Variants in DCK observed in about 807,000 individuals in gnomAD.
DCK encodes deoxycytidine kinase.
DCK carries 23 observed loss-of-function variants against 38.3 expected under a neutral mutation model. The observed-to-expected ratio is 0.60, with a 90% CI of 0.43 to 0.85. DCK has a LOEUF of 0.85. Ranked by LOEUF, DCK falls within the 40% of genes least tolerant of loss-of-function variation. The pLI, the probability that DCK is intolerant of heterozygous loss-of-function variation, is 0.00. For missense variants in DCK, 259 were observed against 304.4 expected (o/e 0.85, Z 1.11); for synonymous variants, 108 against 100.6 (o/e 1.07, Z -0.44).
intron 2 of DCK, among the ~76,000 whole-genome samples, chr4:71,005,175 G>C (rs1240288317): frequency 1.3e-5 from 2 of 152,084 alleles, no homozygotes; most frequent in Non-Finnish European, 2.9e-5. Flanking sequence ...TAGTATCTGG[G>C]CTGGATAGCA....
chr4:71,001,347 G>A (rs1447402854), intron 2 of DCK, among the ~76,000 whole-genome samples: 1 of 152,082 alleles, frequency 6.6e-6, no homozygotes, highest in Non-Finnish European at 1.5e-5. Flanking sequence ...CGACTTGATC[G>A]TGGTAGATGA....
chr4:71,026,670 A>G lies in DCK; in HGVS notation c.671A>G (p.Asn224Ser). 6.7e-7 allele frequency: 1 copy of G among 1,503,060 alleles called. No individual in the cohort carries two copies. Among genetic ancestry groups the G allele is most frequent in the Non-Finnish European group, 9.2e-7 (1 of 1,089,452 alleles). The allele number at this position is 1,503,060 out of a possible 1,614,324, so 93.1% of individuals were successfully genotyped here. A position where few individuals can be genotyped will look rare whatever the true frequency, so the allele number is the denominator to read the frequency against. Residue 224 changes from asparagine (N) to serine (S), a missense_variant, in exon 6 of 7, where the codon AAC (asparagine) becomes AGC (serine). By Grantham distance (46) the Asn-to-Ser change is conservative (BLOSUM62 1). This residue lies in a region of DCK where 82 missense variants were observed against 103.8 expected (regional missense o/e 0.79). Coordinates refer to ENST00000286648, the MANE Select transcript of DCK (RefSeq NM_000788.3). ...TAATCTCTCTTTTTAAACAGAACCA[A>G]CTTCGATTATCTTCAAGAGGTGCCT... ...SWLLHRTLKT[N>S]FDYLQEVPIL...
At chr4:71,004,316 C>T (rs1739883660) in intron 2 of DCK, among the ~76,000 whole-genome samples, 1 of 152,200 alleles carries the variant, frequency 6.6e-6, no homozygotes, top group Admixed American at 6.5e-5. Flanking sequence ...TTGCTGCCTG[C>T]TCCTTCCTCA....
intron 2 of DCK, among the ~76,000 whole-genome samples, chr4:71,012,126 T>A (rs1367284396): frequency 1.3e-5 from 2 of 152,234 alleles, no homozygotes; most frequent in African/African-American, 4.8e-5. Context: ...AAGAACAGTA[T>A]ACAGTTTTGT....
At chr4:71,014,415 G>A (rs540128249) in intron 2 of DCK, among the ~76,000 whole-genome samples, 29 of 152,200 alleles carry the variant, frequency 1.9e-4, no homozygotes, top group Non-Finnish European at 2.6e-4. Context: ...TGTACCAAGC[G>A]GACCTAAAAG....
intron 2 of DCK, among the ~76,000 whole-genome samples, chr4:71,017,256 T>C (rs984106811): frequency 2.0e-5 from 3 of 152,092 alleles, no homozygotes; most frequent in African/African-American, 4.8e-5. Context: ...GTTAGAATGG[T>C]GATCATTAAA....
rs562289134 is a variant in DCK at position 71,000,613 on chromosome 4, G to A, written c.207+2431G>A. ...TTGAATCTGTAAATTACTTTGGGCAGTATGGCCATTTTCACAATATTGATT... is the reference window on the plus strand; with the variant it reads ...TTGAATCTGTAAATTACTTTGGGCAATATGGCCATTTTCACAATATTGATT... On this transcript the variant is annotated intron_variant, in intron 2 of 6. Coordinates refer to ENST00000286648, the MANE Select transcript of DCK (RefSeq NM_000788.3). Among the ~76,000 whole-genome samples, 128 of 152,304 alleles carry A rather than the reference G, an allele frequency of 8.4e-4. 1 individual carries two copies. Among genetic ancestry groups the A allele is most frequent in the African/African-American group, 1.7e-3 (71 of 41,566 alleles).
chr4:71,017,903 AT>A (rs1221821830), intron 2 of DCK, among the ~76,000 whole-genome samples: 2 of 152,110 alleles, frequency 1.3e-5, no homozygotes, highest in East Asian at 1.9e-4. Context: ...CGTTGTGCAC[AT>A]GTACCCAAGA....
rs1740499373 is a variant in DCK, at chr4:71,024,368, A to G, written c.549+662A>G. 1.3e-5 allele frequency among the ~76,000 whole-genome samples: 2 copies of G among 152,160 alleles called. 1 individual carries two copies. Among genetic ancestry groups the G allele is most frequent in the South Asian group, 4.1e-4 (2 of 4,834 alleles). On this transcript the variant is annotated intron_variant, in intron 4 of 6. Transcript: ENST00000286648. ...TATGATGTTATATAATGAATACAGG[A>G]TGACCAAATAGATGCCTTTCATAAA...
At chr4:71,014,950 A>G (rs1740216929) in intron 2 of DCK, among the ~76,000 whole-genome samples, 1 of 152,330 alleles carries the variant, frequency 6.6e-6, no homozygotes, top group African/African-American at 2.4e-5. Flanking sequence ...TAGAGACACA[A>G]AAAACCCTTC....
Position 71,022,478 on chromosome 4 carries a change from G to A in DCK, c.319G>A (p.Ala107Thr). 5 of 1,609,736 alleles carry A rather than the reference G, an allele frequency of 3.1e-6. No homozygotes were observed. Among genetic ancestry groups the A allele is most frequent in the Non-Finnish European group, 3.4e-6 (4 of 1,178,448 alleles). ...QTYACLSRIR[A>T]QLASLNGKLK... ...ATATGCCTGTCTCAGTCGAATAAGA[G>A]CTCAGCTTGCCTCTCTGAATGGCAA... Residue 107 changes from alanine to threonine, a missense_variant, in exon 3 of 7, where the codon GCT becomes ACT. Physicochemically the swap from Ala to Thr is moderately conservative, Grantham distance 58. Around this residue, in one of 3 missense-constraint regions of DCK, gnomAD observed 159 missense variants for 159.0 expected, o/e 1.00. Coordinates refer to ENST00000286648, the MANE Select transcript of DCK (RefSeq NM_000788.3).
intron 2 of DCK, among the ~76,000 whole-genome samples, chr4:71,002,846 G>A (rs1179815377): frequency 2.0e-5 from 3 of 151,732 alleles, no homozygotes; most frequent in African/African-American, 4.9e-5. Context: ...TTGAGCCTTT[G>A]TGTGTCTTTG....
At chr4:71,019,008 A>G (rs1740342786) in intron 2 of DCK, among the ~76,000 whole-genome samples, 1 of 152,188 alleles carries the variant, frequency 6.6e-6, no homozygotes, top group Non-Finnish European at 1.5e-5. Flanking sequence ...TTATAATTGC[A>G]TACAAAAAAC....
At chr4:71,028,444 A>G (rs1261200789) in intron 6 of DCK, among the ~76,000 whole-genome samples, 1 of 152,002 alleles carries the variant, frequency 6.6e-6, no homozygotes, top group Non-Finnish European at 1.5e-5. Flanking sequence ...ACAAACAAAA[A>G]CTAGCCAGAC....
At chr4:71,009,205 A>G (rs1297818735) in intron 2 of DCK, among the ~76,000 whole-genome samples, 1 of 152,224 alleles carries the variant, frequency 6.6e-6, no homozygotes, top group African/African-American at 2.4e-5. Flanking sequence ...TTTTTAAAAT[A>G]ACAATCCCTT....
At chr4:71,007,968 CT>C (rs1477227635) in intron 2 of DCK, among the ~76,000 whole-genome samples, 2 of 152,218 alleles carry the variant, frequency 1.3e-5, no homozygotes, top group African/African-American at 4.8e-5. Context: ...CTCAAGCGAT[CT>C]GCCCATCTCA....
intron 6 of DCK, chr4:71,028,549 TA>T (rs1303357837): frequency 2.6e-6 from 1 of 387,764 alleles, no homozygotes; most frequent in East Asian, 8.2e-5. Context: ...AAATAACTCC[TA>T]AAATGACCTT....
Position 71,003,457 on chromosome 4 carries a change from C to G in DCK, c.207+5275C>G, listed in dbSNP as rs139393135. Among the ~76,000 whole-genome samples, 743 of 152,238 alleles carry G rather than the reference C, an allele frequency of 4.9e-3. 11 individuals carry two copies. Among genetic ancestry groups the G allele is most frequent in the African/African-American group, 0.017 (717 of 41,526 alleles). ...GTCTTGGCGTTGCTCTTCTCAAGGG[C>G]ATCTTTGTGATGTTTTCTGTATTTC... On this transcript the variant is annotated intron_variant, in intron 2 of 6. Transcript: ENST00000286648.
intron 5 of DCK, among the ~76,000 whole-genome samples, chr4:71,026,138 T>G (rs1278585136): frequency 2.0e-5 from 3 of 152,080 alleles, no homozygotes; most frequent in Non-Finnish European, 4.4e-5. Flanking sequence ...CTAGTATCCC[T>G]TGGTGGTATT....
Sources: allele counts gnomAD v4.1 joint callset (sites outside exome capture counted in the v4.1 genomes callset), GRCh38; gene constraint gnomAD v4.1.1; regional missense constraint gnomAD v4.1.1; transcripts MANE v1.5; gene names NCBI Gene and HGNC (gene_info 2026-07-23, HGNC 2026-07-21).